STK33: variants seen among roughly 807,000 people sequenced by gnomAD.
The protein encoded by STK33 is serine/threonine-protein kinase 33.
A neutral mutation model predicts 58.0 loss-of-function variants in STK33; 52 were observed. That is an observed-to-expected ratio of 0.90 (90% CI 0.72 to 1.13). The LOEUF (loss-of-function observed/expected upper bound fraction) is 1.13, where lower values mean the gene tolerates loss of function less well. Among genes scored for constraint, STK33 ranks in the 50% most tolerant of loss-of-function variants. The pLI, the probability that STK33 is intolerant of heterozygous loss-of-function variation, is 0.00. For synonymous variants in STK33, 215 were observed against 200.1 expected (o/e 1.07, Z -0.63); for missense variants, 630 against 604.2 (o/e 1.04, Z -0.45).
At chr11:8,550,966 G>A (rs1026950315) in intron 1 of STK33, among the ~76,000 whole-genome samples, 4 of 152,076 alleles carry the variant, frequency 2.6e-5, no homozygotes, top group Non-Finnish European at 5.9e-5. Context: ...TGCTGGTAAA[G>A]ACATACCCAA....
chr11:8,572,953 T>C (rs893400418), intron 1 of STK33, among the ~76,000 whole-genome samples: 7 of 151,174 alleles, frequency 4.6e-5, no homozygotes, highest in East Asian at 1.9e-4. Context: ...TTCTTAATAC[T>C]TTTTTTTTCT....
the STK33 span, among the ~76,000 whole-genome samples, chr11:8,382,152 T>C: frequency 0.62 from 94,251 of 152,094 alleles, 30,396 homozygotes; most frequent in African/African-American, 0.79. Context: ...TGAAGGGACA[T>C]CCTGCAGCGA....
At chr11:8,410,586 C>A (rs551169495) in intron 15 of STK33, among the ~76,000 whole-genome samples, 34 of 151,106 alleles carry the variant, frequency 2.3e-4, no homozygotes, top group Non-Finnish European at 3.5e-4. Context: ...GATTCTCCTG[C>A]CTCAGCCTCC....
At chr11:8,410,704 C>T (rs1026040541) in intron 15 of STK33, among the ~76,000 whole-genome samples, 3 of 152,038 alleles carry the variant, frequency 2.0e-5, no homozygotes, top group Non-Finnish European at 4.4e-5. Context: ...AACTCCTGAC[C>T]TCAGGTGATC....
At position 8,474,728 on chromosome 11, in the gene STK33, T is replaced by C. The variant is rs60786172; in HGVS notation, c.178A>G (p.Lys60Glu). The change falls in exon 5 of 16, where the codon AAA becomes GAA. Residue 60 changes from lysine (K) to glutamate (E), a missense_variant. Physicochemically the swap from Lys to Glu is moderately conservative, Grantham distance 56 (BLOSUM62 1). Transcript: ENST00000687296. ...SAESLISLER[K>E]KEKNINRDIT... ...TCTCTGTTGATATTTTTTTCTTTTT[T>C]TCTCTCCAGTGAAATTAAAGATTCT... 1.2e-6 allele frequency: 2 copies of C among 1,612,352 alleles called. No individual in the cohort carries two copies. Among genetic ancestry groups the C allele is most frequent in the African/African-American group, 2.7e-5 (2 of 74,924 alleles).
chr11:8,502,930 C>T (rs1252746318), intron 1 of STK33, among the ~76,000 whole-genome samples: 1 of 152,092 alleles, frequency 6.6e-6, no homozygotes, highest in Non-Finnish European at 1.5e-5. Context: ...AATGAGATAC[C>T]ATTTCATACC....
intron 15 of STK33, among the ~76,000 whole-genome samples, chr11:8,400,037 G>A (rs1850105742): frequency 6.6e-6 from 1 of 152,144 alleles, no homozygotes. Context: ...TTCTACCAGA[G>A]GTACAAAGAG....
chr11:8,489,913 A>G (rs1950477517), intron 1 of STK33, among the ~76,000 whole-genome samples: 1 of 152,178 alleles, frequency 6.6e-6, no homozygotes, highest in African/African-American at 2.4e-5. Context: ...GAGGGACAAA[A>G]AGTAAACAAT....
At chr11:8,562,968 A>G (rs1957214428) in intron 1 of STK33, among the ~76,000 whole-genome samples, 1 of 152,170 alleles carries the variant, frequency 6.6e-6, no homozygotes, top group Admixed American at 6.5e-5. Flanking sequence ...CTGTTTAAGC[A>G]GAGATTAGAG....
chr11:8,498,556 T>C lies in STK33; in HGVS notation c.-465-17942A>G, dbSNP rs889721654. On this transcript the variant is annotated intron_variant, in intron 1 of 15. Transcript: ENST00000687296. ...CAGTGCTATCCCCATCAAGCTACCA[T>C]TGATTTTCTTCCCAGAACTGGAAAA... Among the ~76,000 whole-genome samples, 4 of 152,162 alleles carry C rather than the reference T, an allele frequency of 2.6e-5. No individual in the cohort carries two copies. The East Asian group carries it at 5.8e-4, about 22-fold the overall frequency.
chr11:8,513,183 G>T (rs563047150), intron 1 of STK33, among the ~76,000 whole-genome samples: 1 of 152,148 alleles, frequency 6.6e-6, no homozygotes, highest in Non-Finnish European at 1.5e-5. Flanking sequence ...CATGGAGAGC[G>T]TGTGGAGCTA....
chr11:8,470,933 A>G (rs1948718283), intron 6 of STK33, among the ~76,000 whole-genome samples: 1 of 152,210 alleles, frequency 6.6e-6, no homozygotes, highest in Non-Finnish European at 1.5e-5. Flanking sequence ...AATTACCAAA[A>G]TGTGACACAA....
At chr11:8,377,559 A>G in the STK33 span, among the ~76,000 whole-genome samples, 1 of 152,314 alleles carries the variant, frequency 6.6e-6, no homozygotes, top group East Asian at 1.9e-4. Flanking sequence ...GAGAACTGGT[A>G]CAGGACAAAG....
At chr11:8,553,189 T>TG (rs1331157828) in intron 1 of STK33, among the ~76,000 whole-genome samples, 4 of 75,684 alleles carry the variant, frequency 5.3e-5, no homozygotes, top group Non-Finnish European at 9.3e-5. Flanking sequence ...TATATATATA[T>TG]ATATATATGG....
At chr11:8,368,356 T>C in the STK33 span, among the ~76,000 whole-genome samples, 1 of 152,192 alleles carries the variant, frequency 6.6e-6, no homozygotes, top group African/African-American at 2.4e-5. Context: ...CCATGCACGA[T>C]GTTGCCTCTT....
chr11:8,464,935 T>C (rs1947999574), intron 6 of STK33, 113 bp from the exon 7 acceptor site: 10 of 624,344 alleles, frequency 1.6e-5, no homozygotes, highest in Non-Finnish European at 2.4e-5. Context: ...TGCTCCAAGT[T>C]AAAATCAAAT....
intron 15 of STK33, among the ~76,000 whole-genome samples, chr11:8,396,424 G>T (rs1197095619): frequency 5.3e-5 from 8 of 152,212 alleles, no homozygotes; most frequent in African/African-American, 1.9e-4. Flanking sequence ...AATTCCAGTT[G>T]CATGAAGTTT....
chr11:8,572,254 G>A (rs1029819977), intron 1 of STK33, among the ~76,000 whole-genome samples: 3 of 151,886 alleles, frequency 2.0e-5, no homozygotes, highest in Non-Finnish European at 4.4e-5. Context: ...TTTCAGAAGG[G>A]TTTCATCTTG....
At chr11:8,511,640 G>C (rs999584689) in intron 1 of STK33, among the ~76,000 whole-genome samples, 2 of 152,108 alleles carry the variant, frequency 1.3e-5, no homozygotes, top group African/African-American at 4.8e-5. Context: ...TTATTACTTT[G>C]AGGTATGTCC....
Sources: allele counts gnomAD v4.1 joint callset (sites outside exome capture counted in the v4.1 genomes callset), GRCh38; gene constraint gnomAD v4.1.1; transcripts MANE v1.5; gene names NCBI Gene and HGNC (gene_info 2026-07-23, HGNC 2026-07-21).